The following VWC2 variants were observed in gnomAD, a reference collection of about 807,000 sequenced individuals.
The protein encoded by VWC2 is brorin.
VWC2 carries 14 observed loss-of-function variants against 29.8 expected under a neutral mutation model. The observed-to-expected ratio is 0.47, with a 90% CI of 0.31 to 0.74. VWC2 has a LOEUF of 0.74. Among genes scored for constraint, VWC2 ranks in the 30% least tolerant of loss-of-function variants. The probability of loss-of-function intolerance (pLI) is 0.05; values close to 1 mark genes in which losing one functional copy is unlikely to be tolerated. For missense variants in VWC2, 457 were observed against 459.8 expected (o/e 0.99, Z 0.05); for synonymous variants, 213 against 199.0 (o/e 1.07, Z -0.59).
chr7:49,775,794 CGGAAGCCCT>C lies in VWC2; in HGVS notation c.362_370del (p.Glu121_Leu123del), dbSNP rs1562698541. The C allele has an allele frequency of 6.5e-7, 1 of 1,531,600 alleles. No homozygotes were observed. The highest frequency in any genetic ancestry group is 1.2e-5 in the South Asian group (1 of 81,810). The allele number at this position is 1,531,600 out of a possible 1,614,324, so 94.9% of individuals were successfully genotyped here. ...CGGCCCCGCGGGGACACCCCGCAGG[CGGAAGCCCT>C]GGCCGCAGCCGCCCAGGACGCGATT... On this transcript the variant is annotated inframe_deletion, in exon 2 of 4. Coordinates refer to ENST00000340652, the MANE Select transcript of VWC2 (RefSeq NM_198570.5).
intron 2 of VWC2, among the ~76,000 whole-genome samples, chr7:49,797,921 AG>A (rs1345083426): frequency 4.6e-5 from 7 of 152,236 alleles, no homozygotes; most frequent in Admixed American, 2.0e-4. Context: ...TTCTGCCATA[AG>A]GTATTCTATG....
intron 3 of VWC2, among the ~76,000 whole-genome samples, chr7:49,804,143 G>A (rs113605461): frequency 2.6e-5 from 4 of 151,668 alleles, no homozygotes; most frequent in African/African-American, 9.7e-5. Flanking sequence ...GAACGAGGGG[G>A]ACTTTGAGCA....
chr7:49,911,779 C>T lies in VWC2; in HGVS notation c.827-255C>T, dbSNP rs1367424475. ...GGGTATAGTGGCATGCCCCTGTAAT[C>T]CTAGCTACTTGAAAGGCTGAGGCAG... On this transcript the variant is annotated intron_variant, in intron 3 of 3. Transcript: ENST00000340652. Among the ~76,000 whole-genome samples the T allele has an allele frequency of 2.0e-5, 3 of 151,790 alleles. No homozygotes were observed. The East Asian group carries it at 5.8e-4, about 30-fold the overall frequency.
chr7:49,818,477 T>C (rs1488333150), intron 3 of VWC2, among the ~76,000 whole-genome samples: 1 of 152,170 alleles, frequency 6.6e-6, no homozygotes, highest in Non-Finnish European at 1.5e-5. Context: ...GTCTGATGTT[T>C]TAAGCACTGA....
chr7:49,854,699 CAGA>C (rs1185175131), intron 3 of VWC2, among the ~76,000 whole-genome samples: 5 of 152,188 alleles, frequency 3.3e-5, no homozygotes, highest in Non-Finnish European at 7.3e-5. Flanking sequence ...TTTTGCTGTG[CAGA>C]AGCTCTTTAG....
chr7:49,806,248 C>T (rs1562712750), intron 3 of VWC2, among the ~76,000 whole-genome samples: 2 of 152,160 alleles, frequency 1.3e-5, no homozygotes. Flanking sequence ...CTCCCATTAG[C>T]GATCAGAAGA....
chr7:49,843,875 G>A (rs964107031), intron 3 of VWC2, among the ~76,000 whole-genome samples: 1 of 152,188 alleles, frequency 6.6e-6, no homozygotes, highest in Non-Finnish European at 1.5e-5. Context: ...GAAAAAAGAA[G>A]ACCAATGGTA....
intron 3 of VWC2, among the ~76,000 whole-genome samples, chr7:49,836,025 A>G (rs1316700211): frequency 6.6e-6 from 1 of 152,218 alleles, no homozygotes; most frequent in Non-Finnish European, 1.5e-5. Context: ...TAATTTGCAA[A>G]TGATAATGAA....
At chr7:49,780,603 A>G (rs1269973638) in intron 2 of VWC2, among the ~76,000 whole-genome samples, 1 of 152,150 alleles carries the variant, frequency 6.6e-6, no homozygotes, top group Non-Finnish European at 1.5e-5. Context: ...AAATCTTCAC[A>G]TTTCTTTGCT....
intron 2 of VWC2, among the ~76,000 whole-genome samples, chr7:49,783,294 A>T (rs966527735): frequency 6.6e-6 from 1 of 152,060 alleles, no homozygotes; most frequent in Non-Finnish European, 1.5e-5. Context: ...GTGGTGTGTG[A>T]GGCACTGTGA....
At chr7:49,821,610 A>G (rs1032308056) in intron 3 of VWC2, among the ~76,000 whole-genome samples, 2 of 152,204 alleles carry the variant, frequency 1.3e-5, no homozygotes, top group African/African-American at 4.8e-5. Context: ...TCAAGTAGAA[A>G]AACAATTCCG....
intron 3 of VWC2, among the ~76,000 whole-genome samples, chr7:49,875,933 C>T (rs956141016): frequency 6.6e-6 from 1 of 152,150 alleles, no homozygotes; most frequent in Non-Finnish European, 1.5e-5. Context: ...GTGTTTAATA[C>T]ATAGTGGCTG....
At chr7:49,863,163 A>G (rs1178652039) in intron 3 of VWC2, among the ~76,000 whole-genome samples, 1 of 151,860 alleles carries the variant, frequency 6.6e-6, no homozygotes, top group African/African-American at 2.4e-5. Context: ...GTGTTTTGTT[A>G]TTTTTCTTCT....
At chr7:49,842,350 T>C (rs1467236559) in intron 3 of VWC2, among the ~76,000 whole-genome samples, 1 of 152,250 alleles carries the variant, frequency 6.6e-6, no homozygotes, top group African/African-American at 2.4e-5. Context: ...TTTAACTTAC[T>C]TAAAAGTTAC....
At chr7:49,779,038 G>GGA (rs58968931) in intron 2 of VWC2, among the ~76,000 whole-genome samples, 30,931 of 149,752 alleles carry the variant, frequency 0.21, 3,629 homozygotes, top group South Asian at 0.33. Flanking sequence ...TTCCAGAGAG[G>GGA]GAGAGAGAGA....
At position 49,921,892 on chromosome 7, in the gene VWC2, A is replaced by G. The variant is rs540300673; in HGVS notation, c.*9707A>G. On this transcript the variant is annotated 3_prime_UTR_variant, in exon 4 of 4. Transcript: ENST00000340652. ...AAATAATTAGGCCGAATTTGTATGT[A>G]TTGTTGGATGGGTATGTGTATTGAC... 25 of 152,224 alleles carry G rather than the reference A, an allele frequency of 1.6e-4. 1 individual carries two copies. The South Asian group carries it at 3.7e-3, about 23-fold the overall frequency. 9.4% of individuals were successfully genotyped at this position (152,224 alleles called of 1,614,324 possible).
rs1793604469 is a variant in VWC2, at chr7:49,914,217, GACT to G, written c.*2033_*2035del. On this transcript the variant is annotated 3_prime_UTR_variant, in exon 4 of 4. Transcript: ENST00000340652. ...CTCCATCAGGCATGATGCAGTTAGA[GACT>G]CAGTCCATGCAGCTCAAAGTCTTCC... 1 of 152,248 alleles carries G rather than the reference GACT, an allele frequency of 6.6e-6. No homozygotes were observed. The highest frequency in any genetic ancestry group is 6.5e-5 in the Admixed American group (1 of 15,284). 9.4% of individuals were successfully genotyped at this position (152,248 alleles called of 1,614,324 possible).
At chr7:49,857,605 C>A (rs935165136) in intron 3 of VWC2, among the ~76,000 whole-genome samples, 3 of 151,972 alleles carry the variant, frequency 2.0e-5, no homozygotes, top group African/African-American at 4.8e-5. Flanking sequence ...TGAGACATTA[C>A]CTCACAACTG....
intron 3 of VWC2, 124 bp downstream of exon 3, chr7:49,802,964 G>GCGTA: frequency 8.1e-7 from 1 of 1,239,232 alleles, no homozygotes; most frequent in East Asian, 2.6e-5. Context: ...CAATACACAT[G>GCGTA]CGTACACACG....
Sources: allele counts gnomAD v4.1 joint callset (sites outside exome capture counted in the v4.1 genomes callset), GRCh38; gene constraint gnomAD v4.1.1; transcripts MANE v1.5; gene names NCBI Gene and HGNC (gene_info 2026-07-23, HGNC 2026-07-21).